The following SMARCA2 variants were observed in gnomAD, a reference collection of about 807,000 sequenced individuals.
The protein encoded by SMARCA2 is SWI/SNF related BAF chromatin remodeling complex subunit ATPase 2, also known as SWI/SNF-related matrix-associated actin-dependent regulator of chromatin subfamily A member 2.
A neutral mutation model predicts 199.8 loss-of-function variants in SMARCA2; 61 were observed. That is an observed-to-expected ratio of 0.31 (90% CI 0.25 to 0.38). SMARCA2 has a LOEUF of 0.38. Ranked by LOEUF, SMARCA2 falls within the 10% of genes least tolerant of loss-of-function variation. The probability of loss-of-function intolerance (pLI) is 1.00; values close to 1 mark genes in which losing one functional copy is unlikely to be tolerated. For missense variants in SMARCA2, 1,344 were observed against 2,012.2 expected (o/e 0.67, Z 6.35); for synonymous variants, 935 against 732.0 (o/e 1.28, Z -4.48).
rs914183742 is a variant in SMARCA2 at position 2,161,853 on chromosome 9, G to A, written c.4149G>A (p.Leu1383=). 1.9e-6 allele frequency: 3 copies of A among 1,613,948 alleles called. No homozygotes were observed. The highest frequency in any genetic ancestry group is 2.5e-6 in the Non-Finnish European group (3 of 1,179,958). Residue 1383 remains leucine, a synonymous_variant, in exon 28 of 34, where the codon CTG becomes CTA. Coordinates refer to ENST00000349721, the MANE Select transcript of SMARCA2 (RefSeq NM_003070.5). This position sits in a 1 kb window ranked among gnomAD's most constrained non-coding sequence, Gnocchi z 4.7. ...AEKLSPNPPK[L]TKQMNAIIDT... ...AACTGTCACCAAATCCCCCCAAACTGACAAAGCAGATGAACGCTATCATCG... is the reference window on the plus strand; with the variant it reads ...AACTGTCACCAAATCCCCCCAAACTAACAAAGCAGATGAACGCTATCATCG...
intron 1 of SMARCA2, among the ~76,000 whole-genome samples, chr9:2,027,140 T>C (rs1484309752): frequency 6.6e-6 from 1 of 152,240 alleles, no homozygotes; most frequent in Non-Finnish European, 1.5e-5. Flanking sequence ...TCTGTGGTTT[T>C]TATTTATAAA....
chr9:2,069,368 A>T (rs1055706300), intron 9 of SMARCA2, among the ~76,000 whole-genome samples: 3 of 151,506 alleles, frequency 2.0e-5, no homozygotes, highest in Non-Finnish European at 2.9e-5. Context: ...CATCGTGGCT[A>T]ACACGGTGAA....
intron 1 of SMARCA2, among the ~76,000 whole-genome samples, chr9:2,023,964 G>A (rs1818714310): frequency 6.6e-6 from 1 of 152,138 alleles, no homozygotes. Context: ...ATAAGACTGG[G>A]ATATTCTTGG....
chr9:2,081,017 A>G (rs1331580870), intron 14 of SMARCA2, among the ~76,000 whole-genome samples: 1 of 152,234 alleles, frequency 6.6e-6, no homozygotes, highest in African/African-American at 2.4e-5. Flanking sequence ...TACATAAAAA[A>G]TTAACATTTC....
intron 27 of SMARCA2, chr9:2,159,782 C>T (rs1353257233): frequency 1.3e-6 from 2 of 1,592,338 alleles, no homozygotes; most frequent in Non-Finnish European, 1.7e-6. Flanking sequence ...AAAACACAGC[C>T]TTTCCCCAGC....
intron 25 of SMARCA2, among the ~76,000 whole-genome samples, chr9:2,117,106 G>A (rs1380326364): frequency 6.6e-6 from 1 of 152,108 alleles, no homozygotes; most frequent in African/African-American, 2.4e-5. Flanking sequence ...GTCTAGTGGA[G>A]TACTGAATGT....
At chr9:2,018,291 G>T (rs922376873) in intron 1 of SMARCA2, among the ~76,000 whole-genome samples, 1 of 152,230 alleles carries the variant, frequency 6.6e-6, no homozygotes, top group African/African-American at 2.4e-5. Flanking sequence ...TGGGTGCAAA[G>T]CCTAGACTGG....
intron 27 of SMARCA2, among the ~76,000 whole-genome samples, chr9:2,125,143 G>A (rs143547698): frequency 7.4e-4 from 112 of 152,294 alleles, no homozygotes; most frequent in Non-Finnish European, 5.6e-4. Context: ...TACTCAGGAT[G>A]TTGTATGATG....
At chr9:2,080,465 A>G (rs1245956438) in intron 14 of SMARCA2, among the ~76,000 whole-genome samples, 1 of 152,252 alleles carries the variant, frequency 6.6e-6, no homozygotes, top group Non-Finnish European at 1.5e-5. Context: ...ACAAAAATTC[A>G]TCCTACAGAG....
intron 27 of SMARCA2, among the ~76,000 whole-genome samples, chr9:2,124,350 A>G (rs1414530644): frequency 6.6e-6 from 1 of 152,184 alleles, no homozygotes; most frequent in Non-Finnish European, 1.5e-5. Flanking sequence ...ATGGTCTTTA[A>G]TCGAGGTTTT....
chr9:2,151,611 G>A (rs988067083), intron 27 of SMARCA2, among the ~76,000 whole-genome samples: 1 of 152,090 alleles, frequency 6.6e-6, no homozygotes, highest in Non-Finnish European at 1.5e-5. Context: ...GTGCCTGCCT[G>A]TAATCCCAGC....
chr9:2,059,831 T>C (rs1201681277), intron 8 of SMARCA2, among the ~76,000 whole-genome samples: 1 of 152,200 alleles, frequency 6.6e-6, no homozygotes. Flanking sequence ...TTTTTGTTTT[T>C]GCAATGGAGT....
chr9:2,052,072 C>T (rs1820143475), intron 5 of SMARCA2, among the ~76,000 whole-genome samples: 1 of 152,158 alleles, frequency 6.6e-6, no homozygotes, highest in South Asian at 2.1e-4. Context: ...ACAATTTTGC[C>T]AAAAGAGTAA....
At chr9:2,168,566 G>A (rs181476894) in intron 28 of SMARCA2, among the ~76,000 whole-genome samples, 30 of 152,236 alleles carry the variant, frequency 2.0e-4, no homozygotes, top group African/African-American at 5.5e-4. Flanking sequence ...TTTGAAGTGC[G>A]TTAGGTATTT....
intron 12 of SMARCA2, among the ~76,000 whole-genome samples, chr9:2,074,446 C>G (rs1471487319): frequency 2.6e-5 from 4 of 152,166 alleles, no homozygotes; most frequent in Admixed American, 2.0e-4. Flanking sequence ...ACCAGGGTCT[C>G]AAGACTATGG....
intron 1 of SMARCA2, among the ~76,000 whole-genome samples, chr9:2,020,072 A>C (rs1479169664): frequency 6.6e-6 from 1 of 152,188 alleles, no homozygotes; most frequent in Admixed American, 6.5e-5. Flanking sequence ...GGTCAAGATG[A>C]TTTAAGGGAC....
rs775038758 is a variant in SMARCA2, at chr9:2,039,440, T to G, written c.356-26T>G. 1.9e-6 allele frequency: 3 copies of G among 1,598,456 alleles called. No homozygotes were observed. The highest frequency in any genetic ancestry group is 2.6e-6 in the Non-Finnish European group (3 of 1,170,248). On this transcript the variant is annotated intron_variant, in intron 3 of 33. Coordinates refer to ENST00000349721, the MANE Select transcript of SMARCA2 (RefSeq NM_003070.5). The surrounding 1 kb of genome is among the most constrained non-coding windows in gnomAD (Gnocchi z 4.8). ...TTTCAGGGTTGTCAGGGGCAGCCTG[T>G]GATTTCCTTTTGTGTTTTATTTTAG...
chr9:2,103,037 C>G (rs1257339452), intron 22 of SMARCA2, among the ~76,000 whole-genome samples: 1 of 151,228 alleles, frequency 6.6e-6, no homozygotes, highest in African/African-American at 2.4e-5. Flanking sequence ...GCTCTTTCCT[C>G]TCCCTGGAAT....
At chr9:2,185,878 T>TTGAAATAATTTCAACTGCA (rs1488672057) in intron 31 of SMARCA2, among the ~76,000 whole-genome samples, 4 of 152,230 alleles carry the variant, frequency 2.6e-5, no homozygotes, top group Admixed American at 2.6e-4. Flanking sequence ...TCCATGCACT[T>TTGAAATAATTTCAACTGCA]TGAAATAATT....
Sources: gnomAD v4.1 joint callset for allele counts (sites outside exome capture counted in the v4.1 genomes callset) on GRCh38, gnomAD v4.1.1 for gene constraint, Gnocchi (gnomAD v3.1) non-coding constraint, MANE v1.5 for transcripts, NCBI Gene and HGNC (gene_info 2026-07-23, HGNC 2026-07-21) for gene names.